Variants in RIMS2 observed in about 807,000 individuals in gnomAD.
RIMS2 encodes the protein regulating synaptic membrane exocytosis 2.
RIMS2 carries 59 observed loss-of-function variants against 174.4 expected under a neutral mutation model. The observed-to-expected ratio is 0.34, with a 90% CI of 0.27 to 0.42. The LOEUF (loss-of-function observed/expected upper bound fraction) is 0.42. Among genes scored for constraint, RIMS2 ranks in the 10% least tolerant of loss-of-function variants. The pLI, the probability that RIMS2 is intolerant of heterozygous loss-of-function variation, is 1.00. For synonymous variants in RIMS2, 606 were observed against 572.5 expected (o/e 1.06, Z -0.84); for missense variants, 1,620 against 1,666.3 (o/e 0.97, Z 0.48).
In RIMS2 at chr8:104,013,421, GC is replaced by G. The variant is rs753868887; in HGVS notation, c.3045-20del. On this transcript the variant is annotated intron_variant, in intron 17 of 23. Coordinates refer to ENST00000504942, the Ensembl canonical transcript of RIMS2. ...AAGGGCACTAAAGATCAACTGAGCTGCTTTTTGACTAACGTTTCAGGGATTG... is the reference window on the plus strand; with the variant it reads ...AAGGGCACTAAAGATCAACTGAGCTGTTTTTGACTAACGTTTCAGGGATTG... 4 of 1,610,622 alleles carry G rather than the reference GC, an allele frequency of 2.5e-6. No homozygotes were observed. The South Asian group carries it at 3.3e-5, about 13-fold the overall frequency.
At chr8:103,687,349 G>T (rs367852135) in intron 1 of RIMS2, among the ~76,000 whole-genome samples, 4 of 149,572 alleles carry the variant, frequency 2.7e-5, no homozygotes, top group African/African-American at 9.9e-5. Context: ...CTAACTCGAG[G>T]TTTATCAATT....
intron 19 of RIMS2, among the ~76,000 whole-genome samples, chr8:104,240,171 G>A (rs537400317): frequency 5.1e-4 from 77 of 152,240 alleles, no homozygotes; most frequent in Admixed American, 7.8e-4. Flanking sequence ...GTTCAGTTAC[G>A]CCCATTCAGA....
chr8:103,928,570 T>A (rs2079228292), intron 11 of RIMS2, among the ~76,000 whole-genome samples: 1 of 151,398 alleles, frequency 6.6e-6, no homozygotes, highest in Non-Finnish European at 1.5e-5. Context: ...TAGTTTTTTT[T>A]AAGTAGTATT....
At chr8:103,821,832 C>G (rs1293758353) in intron 3 of RIMS2, among the ~76,000 whole-genome samples, 9 of 151,418 alleles carry the variant, frequency 5.9e-5, no homozygotes, top group Non-Finnish European at 8.9e-5. Flanking sequence ...AGAAAAAAAT[C>G]ATGGAAGAAG....
At chr8:103,831,815 A>G (rs2098827687) in intron 3 of RIMS2, among the ~76,000 whole-genome samples, 1 of 152,188 alleles carries the variant, frequency 6.6e-6, no homozygotes, top group African/African-American at 2.4e-5. Context: ...GGAAAACCCA[A>G]CTAAAAATGG....
chr8:104,118,078 T>A (rs2098309224), intron 19 of RIMS2, among the ~76,000 whole-genome samples: 2 of 152,188 alleles, frequency 1.3e-5, no homozygotes, highest in Admixed American at 1.3e-4. Context: ...AAACAAATTA[T>A]GAGAAGGGAG....
intron 1 of RIMS2, among the ~76,000 whole-genome samples, chr8:103,673,557 T>C (rs187675200): frequency 4.5e-4 from 68 of 152,344 alleles, no homozygotes; most frequent in African/African-American, 1.6e-3. Flanking sequence ...GCTCAAGCTG[T>C]ATCTGGGCCT....
chr8:104,034,613 G>A (rs991644290), intron 19 of RIMS2, among the ~76,000 whole-genome samples: 1 of 151,702 alleles, frequency 6.6e-6, no homozygotes, highest in African/African-American at 2.4e-5. Context: ...GGGATTATAG[G>A]CACCCGCCAC....
At chr8:104,157,350 C>T (rs1416214217) in intron 19 of RIMS2, among the ~76,000 whole-genome samples, 1 of 152,052 alleles carries the variant, frequency 6.6e-6, no homozygotes, top group Non-Finnish European at 1.5e-5. Context: ...TCATATTTTT[C>T]TTCTAAAAAA....
At chr8:103,580,955 G>A (rs868522672) in intron 1 of RIMS2, among the ~76,000 whole-genome samples, 15 of 148,958 alleles carry the variant, frequency 1.0e-4, no homozygotes, top group African/African-American at 1.5e-4. Flanking sequence ...TCAGCCTCCC[G>A]GGTAGCTGGG....
chr8:103,712,348 A>G lies in RIMS2; in HGVS notation c.387+15052A>G, dbSNP rs542297455. Reference sequence around the variant, plus strand: ...TGTTAATTTAAAAATATGTAGGAGTATATGGTTTTAGAGATTTATTTTAGA... The same window carrying G: ...TGTTAATTTAAAAATATGTAGGAGTGTATGGTTTTAGAGATTTATTTTAGA... On this transcript the variant is annotated intron_variant, in intron 2 of 23. Transcript: ENST00000504942. Among the ~76,000 whole-genome samples the G allele has an allele frequency of 2.0e-5, 3 of 152,112 alleles. No homozygotes were observed. The East Asian group carries it at 5.8e-4, about 29-fold the overall frequency.
At chr8:104,232,965 C>A (rs771145736) in intron 19 of RIMS2, among the ~76,000 whole-genome samples, 1 of 135,024 alleles carries the variant, frequency 7.4e-6, no homozygotes, top group Non-Finnish European at 1.6e-5. Flanking sequence ...AAATAATTAC[C>A]AGTGGTAAGA....
intron 19 of RIMS2, among the ~76,000 whole-genome samples, chr8:104,116,426 T>C (rs912077655): frequency 7.2e-5 from 11 of 152,216 alleles, no homozygotes; most frequent in African/African-American, 2.4e-4. Context: ...GTGGAAATTA[T>C]GTTTTCTATT....
intron 1 of RIMS2, among the ~76,000 whole-genome samples, chr8:103,601,391 T>C (rs1349117640): frequency 1.3e-5 from 2 of 152,226 alleles, no homozygotes; most frequent in East Asian, 3.8e-4. Flanking sequence ...TATATCCTGT[T>C]GCTGGATTGA....
intron 1 of RIMS2, among the ~76,000 whole-genome samples, chr8:103,529,682 G>T (rs1836048217): frequency 6.6e-6 from 1 of 152,200 alleles, no homozygotes; most frequent in Admixed American, 6.5e-5. Context: ...CGGTACCTCA[G>T]TTGGAAATCC....
intron 11 of RIMS2, among the ~76,000 whole-genome samples, chr8:103,928,897 A>T (rs1480986413): frequency 6.6e-6 from 1 of 151,612 alleles, no homozygotes; most frequent in Non-Finnish European, 1.5e-5. Flanking sequence ...GCTATATTTT[A>T]AACACTTATT....
At chr8:103,797,466 A>G (rs1292482781) in intron 3 of RIMS2, among the ~76,000 whole-genome samples, 1 of 152,220 alleles carries the variant, frequency 6.6e-6, no homozygotes, top group Non-Finnish European at 1.5e-5. Context: ...AAAAAGTAGT[A>G]GCTACCCATT....
intron 11 of RIMS2, among the ~76,000 whole-genome samples, chr8:103,929,509 GAATTTTTTTTTCCTTTGAGGCCT>G (rs1473522463): frequency 6.6e-6 from 1 of 151,622 alleles, no homozygotes. Flanking sequence ...ATAAATTGCA[GAATTTTTTTTTCCTTTGAGGCCT>G]TAATATTCAT....
chr8:104,200,910 C>T (rs1232149070), intron 19 of RIMS2, among the ~76,000 whole-genome samples: 1 of 152,170 alleles, frequency 6.6e-6, no homozygotes, highest in African/African-American at 2.4e-5. Flanking sequence ...GAGACCCTGT[C>T]TCAAAAACAA....
Sources: gnomAD v4.1 joint callset for allele counts (sites outside exome capture counted in the v4.1 genomes callset) on GRCh38, gnomAD v4.1.1 for gene constraint, MANE v1.5 for transcripts, NCBI Gene and HGNC (gene_info 2026-07-23, HGNC 2026-07-21) for gene names.